The following TSPAN5 variants were observed in gnomAD, a reference collection of about 807,000 sequenced individuals.
The protein encoded by TSPAN5 is tetraspanin 5, also known as tetraspanin-5.
TSPAN5 carries 10 observed loss-of-function variants against 37.1 expected under a neutral mutation model. That is an observed-to-expected ratio of 0.27 (90% confidence interval 0.17 to 0.46). The LOEUF (loss-of-function observed/expected upper bound fraction) is 0.46. Among genes scored for constraint, TSPAN5 ranks in the 20% least tolerant of loss-of-function variants. The pLI, the probability that TSPAN5 is intolerant of heterozygous loss-of-function variation, is 1.00. For missense variants in TSPAN5, 195 were observed against 326.6 expected (o/e 0.60, Z 3.11); for synonymous variants, 110 against 118.9 (o/e 0.93, Z 0.48).
intron 1 of TSPAN5, among the ~76,000 whole-genome samples, chr4:98,601,076 T>C (rs1340444318): frequency 6.6e-6 from 1 of 152,202 alleles, no homozygotes; most frequent in African/African-American, 2.4e-5. Flanking sequence ...TTATAAGCAA[T>C]AAGTCTCAAC....
chr4:98,495,255 C>T (rs764074714), intron 2 of TSPAN5, among the ~76,000 whole-genome samples: 14 of 152,184 alleles, frequency 9.2e-5, no homozygotes, highest in Non-Finnish European at 1.5e-4. Context: ...ACCGGCCAGG[C>T]GCAGTGGCTC....
chr4:98,533,049 G>A (rs941644036), intron 1 of TSPAN5, among the ~76,000 whole-genome samples: 5 of 152,140 alleles, frequency 3.3e-5, no homozygotes, highest in African/African-American at 7.2e-5. Flanking sequence ...TGACTTCATC[G>A]TGGTGGATAA....
chr4:98,474,474 A>G (rs1339846944), intron 7 of TSPAN5, among the ~76,000 whole-genome samples: 1 of 151,826 alleles, frequency 6.6e-6, no homozygotes, highest in Non-Finnish European at 1.5e-5. Context: ...CAGCCCCCCA[A>G]GTAGCTGGGA....
At chr4:98,506,506 C>T (rs1036706893) in intron 2 of TSPAN5, among the ~76,000 whole-genome samples, 2 of 152,154 alleles carry the variant, frequency 1.3e-5, no homozygotes, top group East Asian at 1.9e-4. Context: ...TTGCAAAACT[C>T]AGGATTTGCT....
At chr4:98,486,996 C>A in intron 2 of TSPAN5, 112 bp from the exon 3 acceptor site, 2 of 1,023,246 alleles carry the variant, frequency 2.0e-6, no homozygotes, top group Non-Finnish European at 2.9e-6. Flanking sequence ...CTTCAGAGGG[C>A]ATCTGATTAT....
rs190394744 is a variant in TSPAN5, at chr4:98,628,626, T to C, written c.81+29520A>G. ...ATGGAAACCAGCTCCCTGATAGGCA[T>C]GGCAGAAGCATTGCTGACCCCTTTA... On this transcript the variant is annotated intron_variant, in intron 1 of 7. Transcript: ENST00000305798. Among the ~76,000 whole-genome samples the C allele has an allele frequency of 4.4e-3, 668 of 152,306 alleles. 2 individuals are homozygous for C. The highest frequency in any genetic ancestry group is 0.034 in the Middle Eastern group (10 of 294).
chr4:98,618,642 G>A (rs948609132), intron 1 of TSPAN5, among the ~76,000 whole-genome samples: 1 of 152,072 alleles, frequency 6.6e-6, no homozygotes, highest in African/African-American at 2.4e-5. Flanking sequence ...TCAATAAAAG[G>A]GGCAGAGTCA....
At chr4:98,493,602 A>G (rs1470903905) in intron 2 of TSPAN5, among the ~76,000 whole-genome samples, 1 of 152,234 alleles carries the variant, frequency 6.6e-6, no homozygotes, top group East Asian at 1.9e-4. Context: ...ATCGATTCAG[A>G]ATGCTATGTG....
intron 1 of TSPAN5, among the ~76,000 whole-genome samples, chr4:98,608,766 TTCA>T (rs1756103093): frequency 6.6e-6 from 1 of 152,334 alleles, no homozygotes; most frequent in South Asian, 2.1e-4. Context: ...CTGTGTCTTC[TTCA>T]TCAGTCTCTC....
chr4:98,473,187 C>T (rs1752623555), intron 7 of TSPAN5, among the ~76,000 whole-genome samples: 1 of 152,120 alleles, frequency 6.6e-6, no homozygotes, highest in Non-Finnish European at 1.5e-5. Flanking sequence ...CTTTTGGGTA[C>T]TCCTCTAGGA....
At chr4:98,518,844 C>A (rs556928809) in intron 1 of TSPAN5, among the ~76,000 whole-genome samples, 6 of 152,318 alleles carry the variant, frequency 3.9e-5, no homozygotes, top group African/African-American at 1.2e-4. Context: ...GTAATTGTGA[C>A]ATGTGTTGAA....
chr4:98,480,155 A>G (rs1752807154), intron 4 of TSPAN5, among the ~76,000 whole-genome samples: 1 of 152,208 alleles, frequency 6.6e-6, no homozygotes, highest in Non-Finnish European at 1.5e-5. Context: ...GCTGCTGGCC[A>G]GATCCCGCAA....
chr4:98,572,781 A>T (rs565859685), intron 1 of TSPAN5, among the ~76,000 whole-genome samples: 1 of 152,342 alleles, frequency 6.6e-6, no homozygotes, highest in East Asian at 1.9e-4. Context: ...AGATGAAAAG[A>T]TGTTGTAAAT....
chr4:98,530,741 A>ACACG (rs1311773855), intron 1 of TSPAN5, among the ~76,000 whole-genome samples: 1 of 151,810 alleles, frequency 6.6e-6, no homozygotes, highest in African/African-American at 2.4e-5. Context: ...ACACACACAC[A>ACACG]CACACACACA....
chr4:98,489,690 C>T (rs1753045293), intron 2 of TSPAN5, among the ~76,000 whole-genome samples: 1 of 152,194 alleles, frequency 6.6e-6, no homozygotes, highest in African/African-American at 2.4e-5. Context: ...ACTGCCACTC[C>T]TAATCGGGCT....
At chr4:98,527,981 T>C (rs1753997650) in intron 1 of TSPAN5, among the ~76,000 whole-genome samples, 1 of 152,232 alleles carries the variant, frequency 6.6e-6, no homozygotes, top group Non-Finnish European at 1.5e-5. Context: ...TCTTCCTCTC[T>C]TTTCTGTTGA....
intron 2 of TSPAN5, among the ~76,000 whole-genome samples, chr4:98,497,101 C>A (rs1753228931): frequency 6.6e-6 from 1 of 151,932 alleles, no homozygotes; most frequent in African/African-American, 2.4e-5. Flanking sequence ...CTGAGGCGGG[C>A]AGATCATGAG....
intron 1 of TSPAN5, among the ~76,000 whole-genome samples, chr4:98,531,894 C>T (rs1242717008): frequency 2.6e-5 from 4 of 152,098 alleles, no homozygotes; most frequent in East Asian, 1.9e-4. Flanking sequence ...CCTTTGCCCA[C>T]GTTTTGATGG....
At chr4:98,576,906 C>G (rs2110189861) in intron 1 of TSPAN5, among the ~76,000 whole-genome samples, 1 of 152,192 alleles carries the variant, frequency 6.6e-6, no homozygotes, top group Non-Finnish European at 1.5e-5. Flanking sequence ...ACTACAGGTA[C>G]CCGCCACCAC....
Sources: gnomAD v4.1 joint callset for allele counts (sites outside exome capture counted in the v4.1 genomes callset) on GRCh38, gnomAD v4.1.1 for gene constraint, MANE v1.5 for transcripts, NCBI Gene and HGNC (gene_info 2026-07-23, HGNC 2026-07-21) for gene names.